Variants in MAGI2 observed in about 807,000 individuals in gnomAD.
MAGI2 encodes the protein membrane associated guanylate kinase, WW and PDZ domain containing 2.
Under a neutral mutation model 133.3 loss-of-function variants are expected in MAGI2, and 35 were observed. The observed-to-expected ratio is 0.26, with a 90% CI of 0.20 to 0.35. The LOEUF is 0.35. Among genes scored for constraint, MAGI2 ranks in the 10% least tolerant of loss-of-function variants. MAGI2 has a pLI of 1.00. For synonymous variants in MAGI2, 729 were observed against 710.6 expected (o/e 1.03, Z -0.41); for missense variants, 1,636 against 1,863.4 (o/e 0.88, Z 2.25).
At chr7:78,223,801 C>T (rs1190520305) in intron 10 of MAGI2, among the ~76,000 whole-genome samples, 1 of 151,992 alleles carries the variant, frequency 6.6e-6, no homozygotes, top group Non-Finnish European at 1.5e-5. Context: ...AGAATTTATG[C>T]ATTTTTGAAT....
At chr7:78,598,588 T>A (rs1804861232) in intron 3 of MAGI2, among the ~76,000 whole-genome samples, 1 of 152,080 alleles carries the variant, frequency 6.6e-6, no homozygotes, top group Non-Finnish European at 1.5e-5. Flanking sequence ...AGCAAGGAAA[T>A]AAAATGATTG....
chr7:79,151,686 T>G (rs556026593), intron 1 of MAGI2, among the ~76,000 whole-genome samples: 1 of 152,288 alleles, frequency 6.6e-6, no homozygotes, highest in African/African-American at 2.4e-5. Flanking sequence ...AATTCTGGAC[T>G]TCAGCAGAAC....
At chr7:78,574,792 G>A (rs1320942313) in intron 3 of MAGI2, among the ~76,000 whole-genome samples, 1 of 152,190 alleles carries the variant, frequency 6.6e-6, no homozygotes, top group Non-Finnish European at 1.5e-5. Context: ...TTACAGGAAG[G>A]TTTGAAATTC....
intron 2 of MAGI2, among the ~76,000 whole-genome samples, chr7:78,902,174 A>G (rs1316145000): frequency 1.3e-5 from 2 of 152,186 alleles, no homozygotes; most frequent in Non-Finnish European, 2.9e-5. Flanking sequence ...GCAAAAAGCT[A>G]TACTACTTGC....
At chr7:79,392,321 G>A (rs1465281773) in intron 1 of MAGI2, among the ~76,000 whole-genome samples, 1 of 152,038 alleles carries the variant, frequency 6.6e-6, no homozygotes, top group East Asian at 1.9e-4. Context: ...ATAAACATAC[G>A]TGTGCATGTG....
At chr7:79,201,627 T>A (rs1194875670) in intron 1 of MAGI2, among the ~76,000 whole-genome samples, 2 of 152,010 alleles carry the variant, frequency 1.3e-5, no homozygotes, top group Non-Finnish European at 2.9e-5. Context: ...AGTGCACAGC[T>A]GCACATTACA....
At chr7:78,719,210 A>T (rs569700072) in intron 2 of MAGI2, among the ~76,000 whole-genome samples, 34 of 152,346 alleles carry the variant, frequency 2.2e-4, no homozygotes, top group African/African-American at 6.7e-4. Context: ...GTTTGAACTC[A>T]AGGATCTGAC....
intron 15 of MAGI2, among the ~76,000 whole-genome samples, chr7:78,165,647 C>G (rs1446483010): frequency 6.6e-6 from 1 of 152,184 alleles, no homozygotes; most frequent in Non-Finnish European, 1.5e-5. Flanking sequence ...CCTCTTCCTG[C>G]TGCTATCTCT....
intron 1 of MAGI2, among the ~76,000 whole-genome samples, chr7:79,386,082 A>T (rs1437449152): frequency 6.7e-6 from 1 of 148,920 alleles, no homozygotes; most frequent in Admixed American, 6.7e-5. Flanking sequence ...GAAATAATAA[A>T]AAATTTTAAT....
chr7:78,963,701 C>CAT (rs920893390), intron 2 of MAGI2, among the ~76,000 whole-genome samples: 12 of 151,502 alleles, frequency 7.9e-5, no homozygotes, highest in Middle Eastern at 3.4e-3. Context: ...CAAGACGCTC[C>CAT]ATATATATAT....
chr7:79,261,572 C>A (rs1834093056), intron 1 of MAGI2, among the ~76,000 whole-genome samples: 1 of 152,094 alleles, frequency 6.6e-6, no homozygotes, highest in Non-Finnish European at 1.5e-5. Context: ...CCCTCTGACC[C>A]CTTTATGTAA....
At chr7:79,233,988 T>C (rs1204128208) in intron 1 of MAGI2, among the ~76,000 whole-genome samples, 2 of 145,554 alleles carry the variant, frequency 1.4e-5, no homozygotes, top group African/African-American at 2.5e-5. Context: ...AGGGCAGGCC[T>C]GGTGGTGACA....
intron 16 of MAGI2, among the ~76,000 whole-genome samples, chr7:78,139,516 C>A (rs1822524837): frequency 6.6e-6 from 1 of 152,178 alleles, no homozygotes; most frequent in Non-Finnish European, 1.5e-5. Flanking sequence ...AGGCCCTGAC[C>A]TTGGTTTCTA....
chr7:78,706,029 C>T (rs403235), intron 2 of MAGI2, among the ~76,000 whole-genome samples: 102,516 of 151,268 alleles, frequency 0.68, 34,845 homozygotes, highest in East Asian at 0.84. Flanking sequence ...TATTGAAAAC[C>T]TGAAGTTTCT....
rs565197930 is a variant in MAGI2, at chr7:78,636,045, A to C, written c.419-8806T>G. Among the ~76,000 whole-genome samples the C allele has an allele frequency of 1.2e-4, 19 of 152,294 alleles. No homozygotes were observed. In the South Asian group the frequency reaches 3.9e-3, roughly 32 times the overall value. On this transcript the variant is annotated intron_variant, in intron 2 of 21. Coordinates refer to ENST00000354212, the MANE Select transcript of MAGI2 (RefSeq NM_012301.4). The stretch of plus-strand genomic sequence containing the variant: ...GGCCTTATAGATTTCCTGTTAACTG[A>C]TGGGGTGGATTGGTTTGAGGTAAAA...
chr7:78,608,449 GTATATATATA>G (rs1239583646), intron 3 of MAGI2, among the ~76,000 whole-genome samples: 1 of 148,914 alleles, frequency 6.7e-6, no homozygotes, highest in Non-Finnish European at 1.5e-5. Flanking sequence ...ATATATATAT[GTATATATATA>G]TGTGTGTGTA....
chr7:79,321,369 A>G lies in MAGI2; in HGVS notation c.301+131651T>C, dbSNP rs181959193. Among the ~76,000 whole-genome samples, 8 of 152,290 alleles carry G rather than the reference A, an allele frequency of 5.3e-5. No individual in the cohort carries two copies. In the East Asian group the frequency reaches 7.7e-4, roughly 15 times the overall value. On this transcript the variant is annotated intron_variant, in intron 1 of 21. Transcript: ENST00000354212. ...GTGCTTTGACATAATTTAATATTCA[A>G]TCTTTAGACATAGCCATATATCCAT...
intron 20 of MAGI2, among the ~76,000 whole-genome samples, chr7:78,087,990 C>T (rs1816810522): frequency 6.6e-6 from 1 of 152,210 alleles, no homozygotes; most frequent in East Asian, 1.9e-4. Context: ...AGAAAGCTAT[C>T]ACTGGCAGCT....
intron 2 of MAGI2, among the ~76,000 whole-genome samples, chr7:78,645,045 TAAAGC>T (rs1810709537): frequency 7.2e-6 from 1 of 138,130 alleles, no homozygotes; most frequent in Non-Finnish European, 1.7e-5. Flanking sequence ...AAGATATAAC[TAAAGC>T]ATGTTTTATG....
Sources: allele counts gnomAD v4.1 joint callset (sites outside exome capture counted in the v4.1 genomes callset), GRCh38; gene constraint gnomAD v4.1.1; transcripts MANE v1.5; gene names NCBI Gene and HGNC (gene_info 2026-07-23, HGNC 2026-07-21).